DCBLD2: variants seen among roughly 807,000 people sequenced by gnomAD.
DCBLD2 encodes the protein discoidin, CUB and LCCL domain containing 2.
In DCBLD2, 54 loss-of-function variants were observed where a neutral mutation model predicts 86.8. The observed-to-expected ratio is 0.62, with a 90% CI of 0.50 to 0.78. The LOEUF (loss-of-function observed/expected upper bound fraction) is 0.78. DCBLD2 is among the 30% of genes least tolerant of loss of function. The pLI is 0.00. For synonymous variants in DCBLD2, 354 were observed against 341.3 expected, an observed-to-expected ratio of 1.04 and a Z score of -0.41; for missense variants, 908 against 954.2, an observed-to-expected ratio of 0.95 and a Z score of 0.64.
At chr3:98,819,574 T>C in intron 7 of DCBLD2, 157 bp from the exon 8 acceptor site, 3 of 730,314 alleles carry the variant, frequency 4.1e-6, no homozygotes, top group South Asian at 1.9e-5. Flanking sequence ...AAGTGTTTCT[T>C]GGGCATATGT....
chr3:98,895,912 C>T (rs1456061181), intron 1 of DCBLD2, among the ~76,000 whole-genome samples: 1 of 152,196 alleles, frequency 6.6e-6, no homozygotes, highest in Non-Finnish European at 1.5e-5. Context: ...CCCCTTCATA[C>T]TGATAGTTCT....
rs1275241906 is a variant in DCBLD2 at position 98,825,660 on chromosome 3, TATATATATATATA to T, written c.572-307_572-295del. Reference sequence around the variant, plus strand: ...ATGTGTATTTATATATATATATATATATATATATATATATATATATTTAGAACATGCATAGATA... The same window carrying T: ...ATGTGTATTTATATATATATATATATTATATATTTAGAACATGCATAGATA... On this transcript the variant is annotated intron_variant, in intron 3 of 15. Transcript: ENST00000326840. 2.4e-4 allele frequency among the ~76,000 whole-genome samples: 29 copies of T among 122,786 alleles called. 1 individual carries two copies. The highest frequency in any genetic ancestry group is 9.6e-4 in the Admixed American group (12 of 12,466). The allele number at this position is 122,786 out of a possible 152,430, so 80.6% of individuals were successfully genotyped here. A position where few individuals can be genotyped will look rare whatever the true frequency, so the allele number is the denominator to read the frequency against.
chr3:98,875,559 C>G (rs1943353902), intron 2 of DCBLD2, among the ~76,000 whole-genome samples: 1 of 152,086 alleles, frequency 6.6e-6, no homozygotes, highest in African/African-American at 2.4e-5. Context: ...TACTAAACTT[C>G]ACATGGATAA....
In DCBLD2 at chr3:98,808,162, G is replaced by A; in HGVS notation, c.1589C>T (p.Ala530Val). 11 of 1,600,804 alleles carry A rather than the reference G, an allele frequency of 6.9e-6. No individual in the cohort carries two copies. The highest frequency in any genetic ancestry group is 9.4e-6 in the Non-Finnish European group (11 of 1,173,816). ...TPNVTKDVAL[A>V]AVLVPVLVMV... ...GACCAGCACAGGGACAAGAACTGCA[G>A]CCAGCGCTACATCTGAAGTTACAAA... The change falls in exon 13 of 16, where the codon GCT (alanine) becomes GTT (valine). Residue 530 changes from alanine to valine, a missense_variant. This residue lies in a region of DCBLD2 where 606 missense variants were observed against 678.5 expected (regional missense o/e 0.89). Transcript: ENST00000326840.
intron 3 of DCBLD2, among the ~76,000 whole-genome samples, chr3:98,838,851 C>G (rs929389427): frequency 1.3e-5 from 2 of 152,066 alleles, no homozygotes; most frequent in African/African-American, 2.4e-5. Context: ...TGGAGACCGG[C>G]CCGGCCAACA....
intron 2 of DCBLD2, among the ~76,000 whole-genome samples, chr3:98,879,245 A>T (rs1047762242): frequency 6.6e-6 from 1 of 152,314 alleles, no homozygotes; most frequent in Middle Eastern, 3.4e-3. Flanking sequence ...TATTTCTGAA[A>T]TACTTAAACA....
intron 2 of DCBLD2, among the ~76,000 whole-genome samples, chr3:98,866,803 C>G (rs200839879): frequency 2.6e-5 from 4 of 152,026 alleles, no homozygotes; most frequent in Admixed American, 2.6e-4. Flanking sequence ...CTGAATGGTA[C>G]TGCCTAGGTT....
At chr3:98,852,114 T>G (rs1189423546) in intron 2 of DCBLD2, among the ~76,000 whole-genome samples, 1 of 152,170 alleles carries the variant, frequency 6.6e-6, no homozygotes, top group African/African-American at 2.4e-5. Context: ...CTGTACCAAT[T>G]TATTCCCCTT....
chr3:98,870,797 G>GAA (rs1164432842), intron 2 of DCBLD2, among the ~76,000 whole-genome samples: 3 of 150,964 alleles, frequency 2.0e-5, no homozygotes, highest in Admixed American at 6.6e-5. Context: ...AAGAAAGAAA[G>GAA]AAAGAAAGAA....
intron 13 of DCBLD2, chr3:98,804,986 G>A (rs1941804217): frequency 6.6e-6 from 1 of 152,168 alleles, no homozygotes; most frequent in Non-Finnish European, 1.5e-5. Context: ...TTAAAAATAT[G>A]GAACGCTTCA....
intron 2 of DCBLD2, among the ~76,000 whole-genome samples, chr3:98,851,442 G>A (rs951571870): frequency 4.6e-5 from 7 of 152,018 alleles, no homozygotes; most frequent in East Asian, 3.9e-4. Flanking sequence ...AAATAAGAGC[G>A]GATACAAATG....
Position 98,864,581 on chromosome 3 carries a change from A to G in DCBLD2, c.434-14983T>C, listed in dbSNP as rs572363959. ...GACATGGATGAAGCTGGAAACCATCATTCTCAGCAAACTATCGCAAGAACA... is the reference window on the plus strand; with the variant it reads ...GACATGGATGAAGCTGGAAACCATCGTTCTCAGCAAACTATCGCAAGAACA... On this transcript the variant is annotated intron_variant, in intron 2 of 15. Transcript: ENST00000326840. 2.6e-5 allele frequency among the ~76,000 whole-genome samples: 4 copies of G among 152,330 alleles called. No individual in the cohort carries two copies. In the East Asian group the frequency reaches 7.7e-4, roughly 29 times the overall value.
intron 4 of DCBLD2, among the ~76,000 whole-genome samples, chr3:98,825,092 C>T (rs1942191696): frequency 6.6e-6 from 1 of 152,096 alleles, no homozygotes; most frequent in Non-Finnish European, 1.5e-5. Context: ...TAAAATGATA[C>T]TTTCATTTTG....
At chr3:98,882,888 G>A (rs1943497034) in intron 1 of DCBLD2, among the ~76,000 whole-genome samples, 1 of 152,162 alleles carries the variant, frequency 6.6e-6, no homozygotes, top group African/African-American at 2.4e-5. Flanking sequence ...ACATATGTGT[G>A]CATGTGTTTT....
intron 2 of DCBLD2, among the ~76,000 whole-genome samples, chr3:98,861,586 T>C (rs529603740): frequency 6.6e-6 from 1 of 152,044 alleles, no homozygotes; most frequent in South Asian, 2.1e-4. Context: ...TCAAAACCGC[T>C]CAACAACGTG....
At chr3:98,823,624 G>T (rs1047081219) in intron 4 of DCBLD2, among the ~76,000 whole-genome samples, 1 of 72,768 alleles carries the variant, frequency 1.4e-5, no homozygotes, top group African/African-American at 4.8e-5. Context: ...ACAAATAATT[G>T]ATTTTGATTC....
In DCBLD2 at chr3:98,796,889, TCCAATATA is replaced by T. The variant is rs1394914892; in HGVS notation, c.*2475_*2482del. 1 of 152,526 alleles carries T rather than the reference TCCAATATA, an allele frequency of 6.6e-6. No individual in the cohort carries two copies. Among genetic ancestry groups the T allele is most frequent in the Non-Finnish European group, 1.5e-5 (1 of 68,014 alleles). 9.4% of individuals were successfully genotyped at this position (152,526 alleles called of 1,614,324 possible). A position where few individuals can be genotyped will look rare whatever the true frequency, so the allele number is the denominator to read the frequency against. ...ATTGCATTAACAGGAAAAAACTTAA[TCCAATATA>T]CCAGTGACTTTGAGTCTTAAATGTT... On this transcript the variant is annotated 3_prime_UTR_variant, in exon 16 of 16. Transcript: ENST00000326840.
chr3:98,805,992 AAACTAGGCAAGTTATTTGCCCAT>A (rs1229903481), intron 13 of DCBLD2, among the ~76,000 whole-genome samples: 1 of 152,196 alleles, frequency 6.6e-6, no homozygotes, highest in Admixed American at 6.5e-5. Flanking sequence ...TTATGCCCAT[AAACTAGGCAAGTTATTTGCCCAT>A]AACTAGGCAA....
Position 98,832,651 on chromosome 3 carries a change from G to C in DCBLD2, c.572-7285C>G, listed in dbSNP as rs112391727. 1.3e-3 allele frequency among the ~76,000 whole-genome samples: 198 copies of C among 152,304 alleles called. 1 individual carries two copies. In the East Asian group the frequency reaches 0.016, roughly 12 times the overall value. On this transcript the variant is annotated intron_variant, in intron 3 of 15. Transcript: ENST00000326840. ...GGTCTGGTGGTAATGAACTCGCTTA[G>C]CATTTGCTTATCTGACAAGAATCTT...
Sources: gnomAD v4.1 joint callset for allele counts (sites outside exome capture counted in the v4.1 genomes callset) on GRCh38, gnomAD v4.1.1 for gene constraint, gnomAD v4.1.1 regional missense constraint, MANE v1.5 for transcripts, NCBI Gene and HGNC (gene_info 2026-07-23, HGNC 2026-07-21) for gene names.